The following NEGR1 variants were observed in gnomAD, a reference collection of about 807,000 sequenced individuals.
NEGR1 encodes the protein IgLON family member 4.
A neutral mutation model predicts 40.9 loss-of-function variants in NEGR1; 10 were observed. That is an observed-to-expected ratio of 0.24 (90% confidence interval 0.15 to 0.42). The LOEUF is 0.42. NEGR1 is among the 10% of genes least tolerant of loss of function. The probability of loss-of-function intolerance (pLI) is 1.00; values close to 1 mark genes in which losing one functional copy is unlikely to be tolerated. For synonymous variants in NEGR1, 185 were observed against 166.8 expected, an observed-to-expected ratio of 1.11 and a Z score of -0.84; for missense variants, 352 against 438.9, an observed-to-expected ratio of 0.80 and a Z score of 1.77.
intron 6 of NEGR1, among the ~76,000 whole-genome samples, chr1:71,432,660 C>G (rs190662220): frequency 7.9e-5 from 12 of 152,344 alleles, no homozygotes; most frequent in African/African-American, 2.9e-4. Flanking sequence ...AAGATAAAGA[C>G]TGACTCCAAG....
At position 71,611,055 on chromosome 1, in the gene NEGR1, T is replaced by G; in HGVS notation, c.759A>C (p.Pro253=). 1 of 1,614,014 alleles carries G rather than the reference T, an allele frequency of 6.2e-7. No individual in the cohort carries two copies. ...IRCEGAGVPP[P]AFEWYKGEKK... is the part of the protein sequence containing the mutation. ...TCTCTCCTTTGTACCATTCAAAGGC[T>G]GGAGGCGGCACACCTGCACCTTCAC... Residue 253 remains proline, a synonymous_variant, in exon 5 of 7, where the codon CCA becomes CCC. Coordinates refer to ENST00000357731, the MANE Select transcript of NEGR1 (RefSeq NM_173808.3).
At chr1:71,863,261 T>C (rs1169251039) in intron 2 of NEGR1, among the ~76,000 whole-genome samples, 2 of 152,140 alleles carry the variant, frequency 1.3e-5, no homozygotes, top group African/African-American at 2.4e-5. Flanking sequence ...TGGAATACTA[T>C]GCAGCCACGT....
At chr1:72,276,490 A>C (rs1471828755) in intron 1 of NEGR1, among the ~76,000 whole-genome samples, 4 of 152,168 alleles carry the variant, frequency 2.6e-5, no homozygotes, top group Admixed American at 1.3e-4. Context: ...AATGTTCATC[A>C]ATTTATTTTC....
chr1:71,498,352 A>T (rs1646978257), intron 6 of NEGR1, among the ~76,000 whole-genome samples: 1 of 151,964 alleles, frequency 6.6e-6, no homozygotes, highest in African/African-American at 2.4e-5. Context: ...TATGAAGTGA[A>T]AATTAATATC....
chr1:71,964,804 G>A (rs905500704), intron 1 of NEGR1, among the ~76,000 whole-genome samples: 2 of 147,644 alleles, frequency 1.4e-5, no homozygotes, highest in Non-Finnish European at 3.0e-5. Flanking sequence ...TCTGCTGATT[G>A]TATTTATATA....
intron 6 of NEGR1, among the ~76,000 whole-genome samples, chr1:71,413,014 A>G (rs1646333161): frequency 9.1e-6 from 1 of 110,082 alleles, no homozygotes; most frequent in Non-Finnish European, 1.9e-5. Flanking sequence ...TTTAAATATG[A>G]CATTGTATAT....
At chr1:72,099,412 T>C (rs1648843043) in intron 1 of NEGR1, among the ~76,000 whole-genome samples, 1 of 152,156 alleles carries the variant, frequency 6.6e-6, no homozygotes, top group Middle Eastern at 3.4e-3. Flanking sequence ...TATAATAGTT[T>C]TGAGCTTCTG....
At chr1:71,819,165 A>G (rs934464624) in intron 2 of NEGR1, among the ~76,000 whole-genome samples, 2 of 151,992 alleles carry the variant, frequency 1.3e-5, no homozygotes, top group African/African-American at 4.8e-5. Context: ...TTATCTTCTC[A>G]TGGTGATAGA....
At chr1:71,903,724 T>C (rs959724575) in intron 2 of NEGR1, among the ~76,000 whole-genome samples, 10 of 151,780 alleles carry the variant, frequency 6.6e-5, no homozygotes, top group South Asian at 2.1e-4. Flanking sequence ...TATATATGTA[T>C]ATATGTACAC....
At chr1:72,007,398 G>A (rs1055802653) in intron 1 of NEGR1, among the ~76,000 whole-genome samples, 1 of 150,808 alleles carries the variant, frequency 6.6e-6, no homozygotes, top group African/African-American at 2.4e-5. Context: ...AAAAAAAAAA[G>A]GAAGACATTT....
intron 6 of NEGR1, among the ~76,000 whole-genome samples, chr1:71,499,081 T>TA (rs1374859142): frequency 6.6e-6 from 1 of 152,206 alleles, no homozygotes; most frequent in African/African-American, 2.4e-5. Context: ...TCTCTCTTTT[T>TA]AAAAAATTTA....
At position 71,765,834 on chromosome 1, in the gene NEGR1, G is replaced by A. The variant is rs559902126; in HGVS notation, c.535+10338C>T. Among the ~76,000 whole-genome samples the A allele has an allele frequency of 2.0e-5, 3 of 152,194 alleles. No individual in the cohort carries two copies. The East Asian group carries it at 5.8e-4, about 29-fold the overall frequency. On this transcript the variant is annotated intron_variant, in intron 3 of 6. Transcript: ENST00000357731. Reference sequence around the variant, plus strand: ...AAAGTCTCCTTTACAAGTGATCAATGACTGTTTATTAAACAAAAGTGAGCA... The same window carrying A: ...AAAGTCTCCTTTACAAGTGATCAATAACTGTTTATTAAACAAAAGTGAGCA...
At chr1:71,946,932 T>C (rs1646024888) in intron 1 of NEGR1, among the ~76,000 whole-genome samples, 1 of 151,202 alleles carries the variant, frequency 6.6e-6, no homozygotes. Flanking sequence ...ATTACATAAC[T>C]TAGCTAGACA....
chr1:72,011,610 T>C (rs929167891), intron 1 of NEGR1, among the ~76,000 whole-genome samples: 5 of 152,256 alleles, frequency 3.3e-5, no homozygotes, highest in African/African-American at 1.2e-4. Flanking sequence ...AAAGCTGACA[T>C]TTTTGGGAAC....
chr1:71,957,173 G>A (rs1485868217), intron 1 of NEGR1, among the ~76,000 whole-genome samples: 1 of 152,062 alleles, frequency 6.6e-6, no homozygotes, highest in African/African-American at 2.4e-5. Flanking sequence ...ATGCCAAAGT[G>A]AAAGTCATGA....
chr1:72,172,936 C>T (rs1183801971), intron 1 of NEGR1, among the ~76,000 whole-genome samples: 1 of 152,242 alleles, frequency 6.6e-6, no homozygotes, highest in East Asian at 1.9e-4. Flanking sequence ...TTGTGATTAC[C>T]TTGTGCCCAC....
At chr1:71,795,718 A>G (rs1657299506) in intron 2 of NEGR1, among the ~76,000 whole-genome samples, 2 of 152,198 alleles carry the variant, frequency 1.3e-5, no homozygotes, top group African/African-American at 2.4e-5. Context: ...CTGTGTATCA[A>G]TATGAACTAT....
intron 6 of NEGR1, among the ~76,000 whole-genome samples, chr1:71,523,889 GAGA>G (rs1341361264): frequency 6.6e-6 from 1 of 151,834 alleles, no homozygotes; most frequent in Non-Finnish European, 1.5e-5. Context: ...TCAGTATAGC[GAGA>G]AGCTCTGGGC....
intron 1 of NEGR1, among the ~76,000 whole-genome samples, chr1:72,025,877 C>T (rs1646802775): frequency 6.6e-6 from 1 of 151,796 alleles, no homozygotes; most frequent in South Asian, 2.1e-4. Flanking sequence ...TTTGGGAGGC[C>T]GAGGCGGGCG....
Sources: gnomAD v4.1 joint callset for allele counts (sites outside exome capture counted in the v4.1 genomes callset) on GRCh38, gnomAD v4.1.1 for gene constraint, MANE v1.5 for transcripts, NCBI Gene and HGNC (gene_info 2026-07-23, HGNC 2026-07-21) for gene names.